The following DNHD1 variants were observed in gnomAD, a reference collection of about 807,000 sequenced individuals.
DNHD1 encodes the protein dynein heavy chain domain 1, also known as dynein heavy chain domain-containing protein 1.
A neutral mutation model predicts 458.1 loss-of-function variants in DNHD1; 383 were observed. The observed-to-expected ratio is 0.84, with a 90% CI of 0.77 to 0.91. The LOEUF is 0.91. Among genes scored for constraint, DNHD1 ranks in the 40% least tolerant of loss-of-function variants. The probability of loss-of-function intolerance (pLI) is 0.00; values close to 1 mark genes in which losing one functional copy is unlikely to be tolerated. For synonymous variants in DNHD1, 2,203 were observed against 2,376.9 expected, an observed-to-expected ratio of 0.93 and a Z score of 2.13; for missense variants, 5,336 against 5,866.1, an observed-to-expected ratio of 0.91 and a Z score of 2.95.
rs774468226 is a variant in DNHD1, at chr11:6,557,165, C to T, written c.7870C>T (p.Arg2624Cys). Residue 2624 changes from arginine to cysteine, a missense_variant, in exon 25 of 43, where the codon CGC becomes TGC. Physicochemically the swap from Arg to Cys is radical, Grantham distance 180 (BLOSUM62 -3). Coordinates refer to ENST00000254579, the MANE Select transcript of DNHD1 (RefSeq NM_144666.3). Reference protein sequence around the residue: ...VDYPNHQEHLRRVSGLRGTCL... With the variant: ...VDYPNHQEHLCRVSGLRGTCL... The stretch of plus-strand genomic sequence containing the variant: ...CTATCCCAACCACCAGGAGCACTTG[C>T]GCCGGGTGTCAGGCCTGCGAGGCAC... The T allele has an allele frequency of 2.2e-5, 34 of 1,551,484 alleles. No homozygotes were observed. The highest frequency in any genetic ancestry group is 2.1e-4 in the South Asian group (18 of 84,062).
In DNHD1 at chr11:6,548,629, CACT is replaced by C. The variant is rs1335565373; in HGVS notation, c.7099-15_7099-13del. 5 of 1,551,020 alleles carry C rather than the reference CACT, an allele frequency of 3.2e-6. No homozygotes were observed. Among genetic ancestry groups the C allele is most frequent in the Non-Finnish European group, 4.4e-6 (5 of 1,146,904 alleles). ...ATACTGGAGGTGCTGCAGTAAGTCC[CACT>C]TCTGTCTTGCAGACTGAACGGCTCT... On this transcript the variant is annotated splice_polypyrimidine_tract_variant and intron_variant, in intron 23 of 42. Coordinates refer to ENST00000254579, the MANE Select transcript of DNHD1 (RefSeq NM_144666.3). This position sits in a 1 kb window ranked among gnomAD's most constrained non-coding sequence, Gnocchi z 4.4.
At chr11:6,524,179 T>C (rs767741869) in intron 10 of DNHD1, among the ~76,000 whole-genome samples, 1 of 152,210 alleles carries the variant, frequency 6.6e-6, no homozygotes, top group African/African-American at 2.4e-5. Context: ...AGCACTCTCA[T>C]AGGTCTTGGC....
chr11:6,538,427 A>G lies in DNHD1; in HGVS notation c.3043A>G (p.Ile1015Val), dbSNP rs1227623302. Residue 1015 changes from isoleucine (I) to valine (V), a missense_variant, in exon 15 of 43, where the codon ATT (isoleucine) becomes GTT (valine). Physicochemically the swap from Ile to Val is conservative, Grantham distance 29. Around this residue, in one of 4 missense-constraint regions of DNHD1, gnomAD observed 3,932 missense variants for 4,365.6 expected, o/e 0.90. Transcript: ENST00000254579. Reference sequence around the variant, plus strand: ...CTTGCCAATCTGTGGGACACGTCCTATTGTGCAGCAGCAGCGCATATGGCA... The same window carrying G: ...CTTGCCAATCTGTGGGACACGTCCTGTTGTGCAGCAGCAGCGCATATGGCA... Reference protein sequence around the residue: ...VPLPICGTRPIVQQQRIWHLY... With the variant: ...VPLPICGTRPVVQQQRIWHLY... The G allele has an allele frequency of 1.6e-5, 25 of 1,551,590 alleles. No homozygotes were observed. Among genetic ancestry groups the G allele is most frequent in the Non-Finnish European group, 1.9e-5 (22 of 1,146,998 alleles).
At position 6,519,649 on chromosome 11, in the gene DNHD1, A is replaced by G; in HGVS notation, c.1442A>G (p.Gln481Arg). ...CAACAGTGCCTACAGGAGCGAGTAC[A>G]AAACTGTGACAGGATCAGGACAGGC... ...HMQQCLQERV[Q>R]NCDRIRTGQG... The change falls in exon 8 of 43, where the codon CAA becomes CGA. Residue 481 changes from glutamine (Q) to arginine (R), a missense_variant. Gln to Arg is a conservative substitution (Grantham distance 43). Coordinates refer to ENST00000254579, the MANE Select transcript of DNHD1 (RefSeq NM_144666.3). The G allele has an allele frequency of 6.2e-7, 1 of 1,614,186 alleles. No individual in the cohort carries two copies. The highest frequency in any genetic ancestry group is 8.5e-7 in the Non-Finnish European group (1 of 1,180,030).
intron 24 of DNHD1, among the ~76,000 whole-genome samples, chr11:6,551,047 C>T (rs111758263): frequency 1.3e-5 from 2 of 152,290 alleles, no homozygotes; most frequent in African/African-American, 4.8e-5. Flanking sequence ...GCAAAATGCA[C>T]CTTCTTTTCA....
In DNHD1 at chr11:6,556,769, C is replaced by T. The variant is rs1259652459; in HGVS notation, c.7474C>T (p.Gln2492Ter). 3 of 1,551,538 alleles carry T rather than the reference C, an allele frequency of 1.9e-6. No individual in the cohort carries two copies. The highest frequency in any genetic ancestry group is 1.7e-6 in the Non-Finnish European group (2 of 1,146,944). Residue 2492 changes from glutamine (Q) to a stop codon, truncating the protein, a stop_gained, in exon 25 of 43, where the codon CAG (glutamine) becomes TAG (stop). Coordinates refer to ENST00000254579, the MANE Select transcript of DNHD1 (RefSeq NM_144666.3). LOFTEE classifies it high-confidence loss of function. ...GTATGCCCACAGCACCTTGGAACTG[C>T]AGACGCTGCAGCCTACAGTCAACTT... ...TVYAHSTLEL[Q>*]TLQPTVNFLA...
At position 6,546,602 on chromosome 11, in the gene DNHD1, T is replaced by C; in HGVS notation, c.5663T>C (p.Leu1888Pro). 6.4e-7 allele frequency: 1 copy of C among 1,551,792 alleles called. No individual in the cohort carries two copies. Among genetic ancestry groups the C allele is most frequent in the Non-Finnish European group, 8.7e-7 (1 of 1,147,022 alleles). ...KQILEDTIRT[L>P]NVTKEEPKCQ... ...ATACTGGAAGACACAATACGGACAC[T>C]AAATGTGACCAAGGAGGAACCGAAG... The change falls in exon 21 of 43, where the codon CTA becomes CCA. Residue 1888 changes from leucine to proline, a missense_variant. Coordinates refer to ENST00000254579, the MANE Select transcript of DNHD1 (RefSeq NM_144666.3).
chr11:6,567,981 T>C, intron 36 of DNHD1, 75 bp from the exon 37 acceptor site: 2 of 1,481,936 alleles, frequency 1.3e-6, no homozygotes, highest in Non-Finnish European at 1.8e-6. Context: ...GGGATCATGG[T>C]AGCATTAGTT....
In DNHD1 at chr11:6,539,866, G is replaced by C; in HGVS notation, c.3421-10G>C. ...ACCCAGTCCTGGTTCCTGAGACCCAGCTGTTCCAGGTCTGGCAGAATGAAA... is the reference window on the plus strand; with the variant it reads ...ACCCAGTCCTGGTTCCTGAGACCCACCTGTTCCAGGTCTGGCAGAATGAAA... On this transcript the variant is annotated splice_polypyrimidine_tract_variant and intron_variant, in intron 17 of 42. Coordinates refer to ENST00000254579, the MANE Select transcript of DNHD1 (RefSeq NM_144666.3). The C allele has an allele frequency of 6.4e-7, 1 of 1,551,668 alleles. No individual in the cohort carries two copies. Among genetic ancestry groups the C allele is most frequent in the South Asian group, 1.2e-5 (1 of 84,056 alleles).
At chr11:6,511,503 A>C in intron 7 of DNHD1, 74 bp downstream of exon 7, 2 of 1,560,578 alleles carry the variant, frequency 1.3e-6, no homozygotes, top group East Asian at 4.5e-5. Flanking sequence ...CCTCTTAGTT[A>C]AGTTTCTCCT....
rs527265180 is a variant in DNHD1 at position 6,542,220 on chromosome 11, C to T, written c.3629-1901C>T. ...ATTGTCTTCCCACTTTTGTCCTGAGCACATTTTATGCTAATCCATTTGCCC... is the reference window on the plus strand; with the variant it reads ...ATTGTCTTCCCACTTTTGTCCTGAGTACATTTTATGCTAATCCATTTGCCC... On this transcript the variant is annotated intron_variant, in intron 18 of 42. Coordinates refer to ENST00000254579, the MANE Select transcript of DNHD1 (RefSeq NM_144666.3). Among the ~76,000 whole-genome samples the T allele has an allele frequency of 2.6e-5, 4 of 152,312 alleles. No homozygotes were observed. In the East Asian group the frequency reaches 5.8e-4, roughly 22 times the overall value.
rs765090845 is a variant in DNHD1, at chr11:6,567,269, C to T, written c.11760C>T (p.Gly3920=). The T allele has an allele frequency of 1.9e-6, 3 of 1,614,060 alleles. No homozygotes were observed. Among genetic ancestry groups the T allele is most frequent in the South Asian group, 2.2e-5 (2 of 91,092 alleles). The change falls in exon 36 of 43, where the codon GGC becomes GGT. Residue 3920 remains glycine, a synonymous_variant. Transcript: ENST00000254579. ...LRAHLTRQLL[G]STVTALGLTQ... ...CACACCTGACCCGCCAGCTGCTGGGCAGCACCGTGACTGCACTGGGCCTTA... is the reference window on the plus strand; with the variant it reads ...CACACCTGACCCGCCAGCTGCTGGGTAGCACCGTGACTGCACTGGGCCTTA...
In DNHD1 at chr11:6,533,891, C is replaced by T. The variant is rs1038070345; in HGVS notation, c.2716C>T (p.Pro906Ser). 2 of 1,551,122 alleles carry T rather than the reference C, an allele frequency of 1.3e-6. No homozygotes were observed. The highest frequency in any genetic ancestry group is 1.4e-5 in the African/African-American group (1 of 72,838). The change falls in exon 14 of 43, where the codon CCA (proline) becomes TCA (serine). Residue 906 changes from proline to serine, a missense_variant. Pro to Ser is a moderately conservative substitution (Grantham distance 74). Around this residue, in one of 4 missense-constraint regions of DNHD1, gnomAD observed 3,932 missense variants for 4,365.6 expected, o/e 0.90. Transcript: ENST00000254579. ...TCTACTCCACTGCCCTCTGCTTGCCCCACAGCTTCTGGATATGTGGGAGGC... is the reference window on the plus strand; with the variant it reads ...TCTACTCCACTGCCCTCTGCTTGCCTCACAGCTTCTGGATATGTGGGAGGC... ...PHLLHCPLLA[P>S]QLLDMWEAFQ...
At chr11:6,543,354 C>T (rs2344930) in intron 18 of DNHD1, among the ~76,000 whole-genome samples, 147,812 of 152,286 alleles carry the variant, frequency 0.97, 71,879 homozygotes, top group East Asian at 1. Flanking sequence ...GGGAGCCAAG[C>T]ACTAAGACTA....
chr11:6,558,863 C>T (rs1295529947), intron 26 of DNHD1, 39 bp from the exon 27 acceptor site: 2 of 1,546,982 alleles, frequency 1.3e-6, no homozygotes. Context: ...TGTTTTCCTA[C>T]AAGCTCACAG....
At position 6,570,735 on chromosome 11, in the gene DNHD1, G is replaced by A. The variant is rs1462485309; in HGVS notation, c.13223G>A (p.Arg4408His). Residue 4408 changes from arginine to histidine, a missense_variant, in exon 42 of 43, where the codon CGC becomes CAC. Transcript: ENST00000254579. ...SEGPQAWLLR[R>H]QSRALLSALQ... ...GGCCCCCAAGCCTGGCTGTTGCGAC[G>A]CCAGAGTCGCGCTCTCTTGAGTGCG... is the stretch of plus-strand genomic sequence containing the variant. 4 of 1,610,896 alleles carry A rather than the reference G, an allele frequency of 2.5e-6. No individual in the cohort carries two copies. The highest frequency in any genetic ancestry group is 2.7e-5 in the African/African-American group (2 of 74,882).
intron 12 of DNHD1, among the ~76,000 whole-genome samples, chr11:6,531,539 C>CAAAG (rs1442352962): frequency 3.9e-5 from 6 of 152,104 alleles, no homozygotes; most frequent in Non-Finnish European, 8.8e-5. Context: ...AACAAACAAA[C>CAAAG]AAACAAGCAA....
At position 6,538,597 on chromosome 11, in the gene DNHD1, C is replaced by CCCTTCTCCCTGCAGTTCAGCCCAG; in HGVS notation, c.3127-13_3137dup. 1 of 1,547,512 alleles carries CCCTTCTCCCTGCAGTTCAGCCCAG rather than the reference C, an allele frequency of 6.5e-7. No homozygotes were observed. The highest frequency in any genetic ancestry group is 1.2e-5 in the South Asian group (1 of 83,468). ...GGAAGAGTCTCAAGCTGACAGTGAG[C>CCCTTCTCCCTGCAGTTCAGCCCAG]CCTTCTCCCTGCAGTTCAGCCCAGC... is the stretch of plus-strand genomic sequence containing the variant. On this transcript the variant is annotated splice_polypyrimidine_tract_variant and intron_variant, in intron 15 of 42. Transcript: ENST00000254579.
At position 6,571,444 on chromosome 11, in the gene DNHD1, G is replaced by C. The variant is rs371077126; in HGVS notation, c.13911+21G>C. The C allele has an allele frequency of 6.4e-7, 1 of 1,552,896 alleles. No homozygotes were observed. The highest frequency in any genetic ancestry group is 1.9e-5 in the Admixed American group (1 of 54,022). ...TCAGGGTATCTTCGCGCCGCCCCTC[G>C]TTCGCGGTTCCAGTCCCCTCGAAGT... is the stretch of plus-strand genomic sequence containing the variant. On this transcript the variant is annotated intron_variant, in intron 42 of 42. Transcript: ENST00000254579. The surrounding 1 kb of genome is among the most constrained non-coding windows in gnomAD (Gnocchi z 5.0).
Sources: allele counts gnomAD v4.1 joint callset (sites outside exome capture counted in the v4.1 genomes callset), GRCh38; gene constraint gnomAD v4.1.1; regional missense constraint gnomAD v4.1.1; non-coding constraint Gnocchi (gnomAD v3.1); transcripts MANE v1.5; gene names NCBI Gene and HGNC (gene_info 2026-07-23, HGNC 2026-07-21).